Variants in SFI1 observed in about 807,000 individuals in gnomAD.
SFI1 encodes the protein protein SFI1 homolog.
In SFI1, 195 loss-of-function variants were observed where a neutral mutation model predicts 207.5. That is an observed-to-expected ratio of 0.94 (90% CI 0.84 to 1.06). SFI1 has a LOEUF of 1.06. Among genes scored for constraint, SFI1 ranks in the 50% least tolerant of loss-of-function variants. The probability of loss-of-function intolerance (pLI) is 0.00; values close to 1 mark genes in which losing one functional copy is unlikely to be tolerated. For synonymous variants in SFI1, 630 were observed against 598.9 expected, an observed-to-expected ratio of 1.05 and a Z score of -0.76; for missense variants, 1,634 against 1,588.0, an observed-to-expected ratio of 1.03 and a Z score of -0.49.
At chr22:31,535,908 A>G (rs1169959290) in intron 4 of SFI1, among the ~76,000 whole-genome samples, 1 of 152,050 alleles carries the variant, frequency 6.6e-6, no homozygotes, top group Non-Finnish European at 1.5e-5. Flanking sequence ...GCCTTATTAT[A>G]CTGAACTTTT....
chr22:31,603,226 C>G (rs2068412333), intron 17 of SFI1, among the ~76,000 whole-genome samples: 1 of 152,142 alleles, frequency 6.6e-6, no homozygotes, highest in Admixed American at 6.5e-5. Flanking sequence ...GAGCGAGACT[C>G]TGCCTCAAAC....
chr22:31,611,744 CTG>C lies in SFI1; in HGVS notation c.2416-19_2416-18del. ...CTAGGCTGGGTCAGGACGCCACTCT[CTG>C]TGCACTTGCTCTCCCCCAGCTCCTG... On this transcript the variant is annotated intron_variant, in intron 23 of 32. Coordinates refer to ENST00000400288, the MANE Select transcript of SFI1 (RefSeq NM_001007467.3). 1 of 1,610,194 alleles carries C rather than the reference CTG, an allele frequency of 6.2e-7. No homozygotes were observed. The highest frequency in any genetic ancestry group is 8.5e-7 in the Non-Finnish European group (1 of 1,179,268).
intron 8 of SFI1, among the ~76,000 whole-genome samples, chr22:31,568,194 T>TTGTGTG (rs1556026695): frequency 4.3e-5 from 4 of 92,546 alleles, no homozygotes; most frequent in Non-Finnish European, 8.1e-5. Context: ...TGTGTGTGTG[T>TTGTGTG]TGTGTGTGTG....
At chr22:31,575,033 T>G (rs1288296577) in intron 9 of SFI1, among the ~76,000 whole-genome samples, 198 bp from the exon 10 acceptor site, 1 of 145,432 alleles carries the variant, frequency 6.9e-6, no homozygotes, top group Non-Finnish European at 1.5e-5. Context: ...CACTCCAGCC[T>G]GGGCAACAGA....
chr22:31,525,109 T>C (rs1260509038), intron 2 of SFI1, among the ~76,000 whole-genome samples: 2 of 152,182 alleles, frequency 1.3e-5, no homozygotes, highest in East Asian at 3.8e-4. Flanking sequence ...TCTCATTCTA[T>C]AGGTTGTCTT....
intron 7 of SFI1, chr22:31,559,597 C>A: frequency 1.5e-6 from 1 of 666,304 alleles, no homozygotes. Flanking sequence ...TGTGGGTTGA[C>A]AGTACACTCA....
intron 15 of SFI1, among the ~76,000 whole-genome samples, chr22:31,600,341 T>C (rs1036298606): frequency 2.6e-5 from 4 of 152,254 alleles, no homozygotes; most frequent in African/African-American, 9.6e-5. Context: ...ATCATTTCCC[T>C]TCAGCCTAAA....
intron 8 of SFI1, among the ~76,000 whole-genome samples, chr22:31,572,513 T>C (rs938833676): frequency 1.3e-5 from 2 of 151,960 alleles, no homozygotes; most frequent in African/African-American, 4.8e-5. Context: ...CTTGTTTTTG[T>C]TTTTGTTTTG....
At chr22:31,537,304 T>C (rs2059090347) in intron 4 of SFI1, among the ~76,000 whole-genome samples, 1 of 152,186 alleles carries the variant, frequency 6.6e-6, no homozygotes, top group African/African-American at 2.4e-5. Context: ...CCCACTGCAT[T>C]CTGCTTCTGC....
In SFI1 at chr22:31,507,138, G is replaced by T. The variant is rs2054760727; in HGVS notation, c.-30-1117G>T. 2.0e-5 allele frequency among the ~76,000 whole-genome samples: 3 copies of T among 152,134 alleles called. No homozygotes were observed. The South Asian group carries it at 6.2e-4, about 31-fold the overall frequency. ...AGGTTACAGTAACAAAAACAGAATG[G>T]TACTGGCACAAAAACAGAAACATAG... On this transcript the variant is annotated intron_variant, in intron 1 of 32. Transcript: ENST00000400288.
In SFI1 at chr22:31,557,001, A is replaced by G. The variant is rs2071523246; in HGVS notation, c.604A>G (p.Arg202Gly). The G allele has an allele frequency of 6.2e-7, 1 of 1,612,610 alleles. No individual in the cohort carries two copies. Among genetic ancestry groups the G allele is most frequent in the African/African-American group, 1.3e-5 (1 of 74,902 alleles). The change falls in exon 7 of 33, where the codon AGG (arginine) becomes GGG (glycine). Residue 202 changes from arginine to glycine, a missense_variant. Coordinates refer to ENST00000400288, the MANE Select transcript of SFI1 (RefSeq NM_001007467.3). ...KSWLIYVVVR[R>G]TKLQMQTTAL... ...CTGGTTGATCTACGTGGTTGTTCGTAGGACCAAACTTCAGATGCAGACTAC... is the reference window on the plus strand; with the variant it reads ...CTGGTTGATCTACGTGGTTGTTCGTGGGACCAAACTTCAGATGCAGACTAC...
chr22:31,518,305 G>A (rs1718804860), intron 2 of SFI1, among the ~76,000 whole-genome samples: 1 of 152,044 alleles, frequency 6.6e-6, no homozygotes, highest in African/African-American at 2.4e-5. Flanking sequence ...CTCTATTGTG[G>A]TTTTAATTGA....
At chr22:31,601,350 C>G (rs886863185) in intron 15 of SFI1, among the ~76,000 whole-genome samples, 1 of 152,054 alleles carries the variant, frequency 6.6e-6, no homozygotes, top group African/African-American at 2.4e-5. Flanking sequence ...GTCTCGATCT[C>G]CTGACCTCAT....
intron 15 of SFI1, among the ~76,000 whole-genome samples, chr22:31,599,413 G>A (rs9609338): frequency 2.0e-5 from 3 of 151,486 alleles, no homozygotes; most frequent in South Asian, 4.2e-4. Context: ...TGCAATCTTC[G>A]CCTCCCAGGT....
Position 31,611,142 on chromosome 22 carries a change from G to A in SFI1, c.2255-1G>A. ...CAAACTCTGACTTGGATCTGCCTTA[G>A]GCTGTCTGCGGACCTGGTTTCAGCG... On this transcript the variant is annotated splice_acceptor_variant, in intron 22 of 32. Coordinates refer to ENST00000400288, the MANE Select transcript of SFI1 (RefSeq NM_001007467.3). LOFTEE classifies it high-confidence loss of function. 1 of 1,614,208 alleles carries A rather than the reference G, an allele frequency of 6.2e-7. No individual in the cohort carries two copies. Among genetic ancestry groups the A allele is most frequent in the Non-Finnish European group, 8.5e-7 (1 of 1,180,054 alleles).
At chr22:31,536,004 G>A (rs971881606) in intron 4 of SFI1, among the ~76,000 whole-genome samples, 13 of 152,112 alleles carry the variant, frequency 8.5e-5, no homozygotes, top group Admixed American at 2.0e-4. Flanking sequence ...AAAATATAGT[G>A]GCTTTTTTAA....
chr22:31,612,898 G>A, intron 24 of SFI1: 1 of 526,884 alleles, frequency 1.9e-6, no homozygotes, highest in Non-Finnish European at 3.4e-6. Flanking sequence ...TCAGGCCGCT[G>A]CCTCCACGCA....
chr22:31,613,928 A>G lies in SFI1; in HGVS notation c.2996+73A>G. The G allele has an allele frequency of 1.7e-5, 26 of 1,491,654 alleles. No homozygotes were observed. In the South Asian group the frequency reaches 3.2e-4, roughly 18 times the overall value. The allele number at this position is 1,491,654 out of a possible 1,614,324, so 92.4% of individuals were successfully genotyped here. On this transcript the variant is annotated intron_variant, in intron 27 of 32. Transcript: ENST00000400288. ...GGTTGGATGGCATAGCAGGGAGGAAAACAGCCCTGACGGGATGGGACGGGC... is the reference window on the plus strand; with the variant it reads ...GGTTGGATGGCATAGCAGGGAGGAAGACAGCCCTGACGGGATGGGACGGGC...
In SFI1 at chr22:31,578,403, A is replaced by C. The variant is rs1448239446; in HGVS notation, c.1106A>C (p.Glu369Ala). The change falls in exon 11 of 33, where the codon GAA becomes GCA. Residue 369 changes from glutamate (E) to alanine (A), a missense_variant. Glu to Ala is a moderately radical substitution (Grantham distance 107). Transcript: ENST00000400288. ...GCAGACATGCTGCTGTGTGCAGAAG[A>C]AGCTGCCCAGTTTGAGATGGCAGAA... ...WKHYMLLCAE[E>A]AAQFEMAEEH... 2.5e-6 allele frequency: 4 copies of C among 1,613,680 alleles called. No individual in the cohort carries two copies. The highest frequency in any genetic ancestry group is 1.7e-5 in the Admixed American group (1 of 59,992).
Sources: allele counts gnomAD v4.1 joint callset (sites outside exome capture counted in the v4.1 genomes callset), GRCh38; gene constraint gnomAD v4.1.1; transcripts MANE v1.5; gene names NCBI Gene and HGNC (gene_info 2026-07-23, HGNC 2026-07-21).